IFNGR2: variants seen among roughly 807,000 people sequenced by gnomAD.
IFNGR2 encodes IFN-gamma receptor 2.
Under a neutral mutation model 41.1 loss-of-function variants are expected in IFNGR2, and 15 were observed. The ratio of observed to expected loss-of-function variants is 0.37; its 90% CI spans 0.24 to 0.56. The LOEUF (loss-of-function observed/expected upper bound fraction) is 0.56. Ranked by LOEUF, IFNGR2 falls within the 20% of genes least tolerant of loss-of-function variation. The pLI is 0.81. For synonymous variants in IFNGR2, 161 were observed against 171.6 expected (o/e 0.94, Z 0.48); for missense variants, 362 against 415.7 (o/e 0.87, Z 1.12).
rs1158807047 is a variant in IFNGR2, at chr21:33,423,036, C to CTTTTTT, written c.412+1367_412+1372dup. ...GTGTTTGTTAATGATCTTCCCTCTA[C>CTTTTTT]TTTTTTTTTTTTTTTTTTTTTGAGA... is the stretch of plus-strand genomic sequence containing the variant. On this transcript the variant is annotated intron_variant, in intron 3 of 6. Coordinates refer to ENST00000290219, the MANE Select transcript of IFNGR2 (RefSeq NM_005534.4). Among the ~76,000 whole-genome samples the CTTTTTT allele has an allele frequency of 8.1e-4, 95 of 117,358 alleles. 4 individuals are homozygous for CTTTTTT. Among genetic ancestry groups the CTTTTTT allele is most frequent in the African/African-American group, 2.7e-3 (79 of 29,416 alleles). 77.0% of individuals were successfully genotyped at this position (117,358 alleles called of 152,430 possible).
At chr21:33,434,376 G>T (rs1200729436) in intron 6 of IFNGR2, among the ~76,000 whole-genome samples, 1 of 152,096 alleles carries the variant, frequency 6.6e-6, no homozygotes. Flanking sequence ...ACAAAAATTA[G>T]CCGGGCGTGG....
At chr21:33,427,347 G>T (rs142399198) in intron 4 of IFNGR2, among the ~76,000 whole-genome samples, 2 of 152,190 alleles carry the variant, frequency 1.3e-5, no homozygotes, top group Non-Finnish European at 2.9e-5. Flanking sequence ...TAGTTTGGAG[G>T]AGGTTTTAGT....
intron 2 of IFNGR2, among the ~76,000 whole-genome samples, chr21:33,418,869 G>A (rs1408435359): frequency 6.6e-6 from 1 of 152,018 alleles, no homozygotes; most frequent in Non-Finnish European, 1.5e-5. Flanking sequence ...CAGACAGTCG[G>A]GCAGCAAGGC....
At chr21:33,423,400 T>C (rs2083811061) in intron 3 of IFNGR2, among the ~76,000 whole-genome samples, 1 of 151,146 alleles carries the variant, frequency 6.6e-6, no homozygotes, top group Admixed American at 6.6e-5. Flanking sequence ...TTTTTTGTTG[T>C]TGTTGTTTTT....
intron 1 of IFNGR2, chr21:33,411,491 C>T (rs1211115551): frequency 2.1e-6 from 1 of 470,984 alleles, no homozygotes; most frequent in South Asian, 1.5e-5. Flanking sequence ...ATAATGGTCC[C>T]CAAAGATGTC....
intron 2 of IFNGR2, among the ~76,000 whole-genome samples, chr21:33,415,901 G>T (rs1340654248): frequency 6.6e-6 from 1 of 152,116 alleles, no homozygotes; most frequent in African/African-American, 2.4e-5. Context: ...TCCCTCTATC[G>T]CCCAGGCTGG....
At chr21:33,429,488 G>T (rs1601088778) in intron 4 of IFNGR2, among the ~76,000 whole-genome samples, 3 of 152,264 alleles carry the variant, frequency 2.0e-5, no homozygotes, top group African/African-American at 7.2e-5. Context: ...ATAGCAAAAG[G>T]ATGCAAAGCA....
intron 4 of IFNGR2, among the ~76,000 whole-genome samples, chr21:33,431,495 G>A (rs942095583): frequency 3.9e-5 from 6 of 152,174 alleles, no homozygotes; most frequent in African/African-American, 1.4e-4. Flanking sequence ...GCTTGAACCT[G>A]GGAGGCGGAG....
chr21:33,406,363 A>T (rs563684964), intron 1 of IFNGR2, among the ~76,000 whole-genome samples: 54 of 152,240 alleles, frequency 3.5e-4, no homozygotes, highest in African/African-American at 1.3e-3. Context: ...TGACAGAGCA[A>T]GACTCTGTCT....
At position 33,411,390 on chromosome 21, in the gene IFNGR2, G is replaced by A. The variant is rs878866952; in HGVS notation, c.74-3498G>A. ...GAATGCTTAGACTGGGGAACTAGAG[G>A]TGCCCGGAAAGGGAAGTCGGGAAGA... is the stretch of plus-strand genomic sequence containing the variant. On this transcript the variant is annotated intron_variant, in intron 1 of 6. Coordinates refer to ENST00000290219, the MANE Select transcript of IFNGR2 (RefSeq NM_005534.4). 2.3e-4 allele frequency: 108 copies of A among 468,884 alleles called. 4 individuals carry two copies. The highest frequency in any genetic ancestry group is 1.6e-3 in the South Asian group (106 of 64,284). The allele number at this position is 468,884 out of a possible 1,614,324, so 29.0% of individuals were successfully genotyped here.
chr21:33,435,700 G>C (rs1474912944), intron 6 of IFNGR2, among the ~76,000 whole-genome samples: 1 of 151,544 alleles, frequency 6.6e-6, no homozygotes, highest in Non-Finnish European at 1.5e-5. Context: ...CTGGCCAACA[G>C]GGTGAAACCC....
chr21:33,423,342 C>T (rs915232997), intron 3 of IFNGR2, among the ~76,000 whole-genome samples: 1 of 149,562 alleles, frequency 6.7e-6, no homozygotes, highest in Non-Finnish European at 1.5e-5. Context: ...CCCAGCCTAT[C>T]TTCTCTCTAC....
At chr21:33,426,188 G>A (rs1209585802) in intron 3 of IFNGR2, among the ~76,000 whole-genome samples, 3 of 152,044 alleles carry the variant, frequency 2.0e-5, no homozygotes, top group South Asian at 2.1e-4. Flanking sequence ...CAAGGCAGGC[G>A]GATCACCTGA....
chr21:33,415,144 G>T, intron 2 of IFNGR2, 124 bp downstream of exon 2: 1 of 1,201,254 alleles, frequency 8.3e-7, no homozygotes, highest in South Asian at 1.2e-5. Context: ...GAAACACATC[G>T]TTCTTGGAGC....
intron 1 of IFNGR2, among the ~76,000 whole-genome samples, chr21:33,404,339 TAGAGATGGG>T (rs1336851468): frequency 6.6e-6 from 1 of 152,116 alleles, no homozygotes; most frequent in African/African-American, 2.4e-5. Flanking sequence ...CCCGCGGTCA[TAGAGATGGG>T]GCAGCAGCAT....
chr21:33,417,789 G>A (rs984002114), intron 2 of IFNGR2, among the ~76,000 whole-genome samples: 2 of 152,032 alleles, frequency 1.3e-5, no homozygotes, highest in Non-Finnish European at 2.9e-5. Context: ...CACGGCTGAT[G>A]TATTGACTTA....
intron 3 of IFNGR2, among the ~76,000 whole-genome samples, chr21:33,424,827 C>T (rs139668709): frequency 1.3e-3 from 200 of 152,178 alleles, no homozygotes; most frequent in Non-Finnish European, 2.1e-3. Context: ...CTGCAGCCTC[C>T]GCCTCCAGGT....
chr21:33,429,661 G>A (rs2083869293), intron 4 of IFNGR2, among the ~76,000 whole-genome samples: 1 of 152,170 alleles, frequency 6.6e-6, no homozygotes, highest in Non-Finnish European at 1.5e-5. Flanking sequence ...AGGCTTATGA[G>A]AGACCCAGCG....
chr21:33,417,700 A>ATATG (rs1355375393), intron 2 of IFNGR2, among the ~76,000 whole-genome samples: 1 of 152,216 alleles, frequency 6.6e-6, no homozygotes, highest in Admixed American at 6.5e-5. Context: ...CACAGGTCAC[A>ATATG]TGTCAGGAAG....
Sources: allele counts gnomAD v4.1 joint callset (sites outside exome capture counted in the v4.1 genomes callset), GRCh38; gene constraint gnomAD v4.1.1; transcripts MANE v1.5; gene names NCBI Gene and HGNC (gene_info 2026-07-23, HGNC 2026-07-21).